The following TMEM156 variants were observed in gnomAD, a reference collection of about 807,000 sequenced individuals.
The protein encoded by TMEM156 is transmembrane protein 156.
A neutral mutation model predicts 30.5 loss-of-function variants in TMEM156; 28 were observed. The observed-to-expected ratio is 0.92, with a 90% CI of 0.68 to 1.26. The LOEUF is 1.26. TMEM156 is among the 50% of genes most tolerant of loss of function. The pLI is 0.00. For missense variants in TMEM156, 351 were observed against 340.6 expected, an observed-to-expected ratio of 1.03 and a Z score of -0.24; for synonymous variants, 137 against 119.9, an observed-to-expected ratio of 1.14 and a Z score of -0.93.
chr4:38,983,139 G>A (rs2109901458), intron 5 of TMEM156, among the ~76,000 whole-genome samples: 1 of 152,240 alleles, frequency 6.6e-6, no homozygotes, highest in South Asian at 2.1e-4. Flanking sequence ...TTCCTGACAT[G>A]CAACTTGGAC....
chr4:38,989,510 T>C (rs1366011384), intron 3 of TMEM156, among the ~76,000 whole-genome samples: 1 of 152,192 alleles, frequency 6.6e-6, no homozygotes. Context: ...GTACAGTGCT[T>C]TGCACGCCAA....
At chr4:39,002,105 A>C (rs1319416300) in intron 1 of TMEM156, among the ~76,000 whole-genome samples, 6 of 137,594 alleles carry the variant, frequency 4.4e-5, no homozygotes, top group South Asian at 2.6e-4. Context: ...CAACCTACAA[A>C]ATGGGAGAAA....
At chr4:38,969,558 C>T (rs77493741) in intron 6 of TMEM156, among the ~76,000 whole-genome samples, 2,505 of 152,172 alleles carry the variant, frequency 0.016, 28 homozygotes, top group East Asian at 0.062. Context: ...TATCCCTTTG[C>T]TATAGTGATT....
At chr4:38,992,013 T>C (rs1301317734) in intron 3 of TMEM156, among the ~76,000 whole-genome samples, 1 of 152,180 alleles carries the variant, frequency 6.6e-6, no homozygotes, top group Non-Finnish European at 1.5e-5. Flanking sequence ...GTGGGAAAAC[T>C]TAGTCACAGG....
intron 2 of TMEM156, 90 bp from the exon 3 acceptor site, chr4:38,994,088 A>G: frequency 2.5e-6 from 3 of 1,184,432 alleles, no homozygotes; most frequent in Non-Finnish European, 3.5e-6. Context: ...CTTCCTTTCT[A>G]TACAAGAAAG....
intron 5 of TMEM156, among the ~76,000 whole-genome samples, chr4:38,974,066 T>A (rs993602150): frequency 2.6e-4 from 39 of 148,244 alleles, no homozygotes; most frequent in Non-Finnish European, 5.4e-4. Context: ...TGCGTGTGTG[T>A]GTGTGTGTGT....
chr4:39,031,357 A>T (rs1181547877), intron 1 of TMEM156, among the ~76,000 whole-genome samples: 1 of 152,210 alleles, frequency 6.6e-6, no homozygotes, highest in African/African-American at 2.4e-5. Flanking sequence ...AAACGTTCAC[A>T]AAGTTAATTT....
At chr4:39,022,182 A>G (rs1481848082) in intron 1 of TMEM156, among the ~76,000 whole-genome samples, 5 of 152,228 alleles carry the variant, frequency 3.3e-5, no homozygotes, top group Non-Finnish European at 7.3e-5. Flanking sequence ...CACACGTCAC[A>G]GGTAATGATT....
At chr4:38,977,528 T>C (rs1722921053) in intron 5 of TMEM156, among the ~76,000 whole-genome samples, 1 of 152,260 alleles carries the variant, frequency 6.6e-6, no homozygotes, top group Non-Finnish European at 1.5e-5. Context: ...ATATGTCATT[T>C]TAATGCCTTC....
chr4:38,993,249 A>C (rs763391994), intron 3 of TMEM156, among the ~76,000 whole-genome samples: 1 of 151,726 alleles, frequency 6.6e-6, no homozygotes, highest in African/African-American at 2.4e-5. Context: ...GGGCAACATG[A>C]CAAGACCCCG....
chr4:38,993,009 C>T (rs1321345778), intron 3 of TMEM156, among the ~76,000 whole-genome samples: 2 of 151,320 alleles, frequency 1.3e-5, no homozygotes, highest in African/African-American at 4.9e-5. Context: ...GATCCTCCCA[C>T]CTCAGCCTCC....
At chr4:38,992,743 ATATAT>A (rs2109952348) in intron 3 of TMEM156, among the ~76,000 whole-genome samples, 1 of 49,972 alleles carries the variant, frequency 2.0e-5, no homozygotes, top group African/African-American at 7.0e-5. Flanking sequence ...ATAATATATA[ATATAT>A]TATATATATA....
rs1208599600 is a variant in TMEM156, at chr4:38,986,322, G to A, written c.823+14C>T. 3.1e-6 allele frequency: 5 copies of A among 1,601,652 alleles called. No individual in the cohort carries two copies. The South Asian group carries it at 5.5e-5, about 18-fold the overall frequency. ...TTCCTGAGTGCTGTTTTGTTTACATGCCACAGAACTTACCTGAAAGAACCT... is the reference window on the plus strand; with the variant it reads ...TTCCTGAGTGCTGTTTTGTTTACATACCACAGAACTTACCTGAAAGAACCT... On this transcript the variant is annotated intron_variant, in intron 5 of 6. Coordinates refer to ENST00000381938, the MANE Select transcript of TMEM156 (RefSeq NM_024943.3).
intron 5 of TMEM156, among the ~76,000 whole-genome samples, chr4:38,972,276 CAG>C (rs1358386994): frequency 6.5e-5 from 6 of 92,468 alleles, no homozygotes; most frequent in African/African-American, 1.3e-4. Context: ...TTTTTTGAGA[CAG>C]AGTCTCACTC....
rs1722574807 is a variant in TMEM156, at chr4:38,971,086, G to C, written c.875C>G (p.Pro292Arg). ...PLDQVQEVLP[P>R]IPEL The stretch of plus-strand genomic sequence containing the variant: ...GGAAGTAACTTATAGTTCTGGAATT[G>C]GGGGAAGCACTTCCTGGACTTGATC... The change falls in exon 6 of 7, where the codon CCA becomes CGA. Residue 292 changes from proline to arginine, a missense_variant. By Grantham distance (103) the Pro-to-Arg change is moderately radical. Coordinates refer to ENST00000381938, the MANE Select transcript of TMEM156 (RefSeq NM_024943.3). 6.2e-7 allele frequency: 1 copy of C among 1,613,808 alleles called. No homozygotes were observed. Among genetic ancestry groups the C allele is most frequent in the Admixed American group, 1.7e-5 (1 of 60,000 alleles).
intron 5 of TMEM156, among the ~76,000 whole-genome samples, chr4:38,980,696 C>T (rs1187629395): frequency 6.6e-6 from 1 of 152,078 alleles, no homozygotes; most frequent in East Asian, 1.9e-4. Context: ...CGACCTAGTC[C>T]AGGAGGTCTG....
chr4:39,019,243 C>T (rs571408786), intron 1 of TMEM156, among the ~76,000 whole-genome samples: 3 of 152,244 alleles, frequency 2.0e-5, no homozygotes, highest in East Asian at 1.9e-4. Flanking sequence ...GCTCCCTTTG[C>T]TTTCCATGTC....
intron 2 of TMEM156, among the ~76,000 whole-genome samples, chr4:38,997,032 C>T (rs1712982134): frequency 6.6e-6 from 1 of 152,104 alleles, no homozygotes; most frequent in Non-Finnish European, 1.5e-5. Context: ...AAAATTATTG[C>T]TGTTTAAAAC....
intron 5 of TMEM156, among the ~76,000 whole-genome samples, chr4:38,976,149 TG>T (rs1194426203): frequency 6.6e-6 from 1 of 151,774 alleles, no homozygotes; most frequent in Non-Finnish European, 1.5e-5. Flanking sequence ...TAGCTGGGCA[TG>T]GTGGTGCGTG....
Sources: allele counts gnomAD v4.1 joint callset (sites outside exome capture counted in the v4.1 genomes callset), GRCh38; gene constraint gnomAD v4.1.1; transcripts MANE v1.5; gene names NCBI Gene and HGNC (gene_info 2026-07-23, HGNC 2026-07-21).